The following TLE4 variants were observed in gnomAD, a reference collection of about 807,000 sequenced individuals.
TLE4 encodes the protein TLE family member 4, transcriptional corepressor, also known as transducin-like enhancer protein 4.
TLE4 carries 8 observed loss-of-function variants against 92.8 expected under a neutral mutation model. The ratio of observed to expected loss-of-function variants is 0.09; its 90% confidence interval spans 0.05 to 0.16. TLE4 has a LOEUF of 0.16. Ranked by LOEUF, TLE4 falls within the 10% of genes least tolerant of loss-of-function variation. The pLI is 1.00. For missense variants in TLE4, 675 were observed against 997.6 expected (o/e 0.68, Z 4.36); for synonymous variants, 371 against 374.1 (o/e 0.99, Z 0.10).
intron 8 of TLE4, among the ~76,000 whole-genome samples, chr9:79,697,126 A>C (rs2068472810): frequency 6.6e-6 from 1 of 152,160 alleles, no homozygotes; most frequent in Non-Finnish European, 1.5e-5. Context: ...AGATTTATAG[A>C]ATTTGTATTA....
At chr9:79,662,953 C>G (rs1468641936) in intron 8 of TLE4, among the ~76,000 whole-genome samples, 1 of 152,106 alleles carries the variant, frequency 6.6e-6, no homozygotes, top group African/African-American at 2.4e-5. Flanking sequence ...AGCCTGTGTT[C>G]TCCCCCTCAC....
intron 8 of TLE4, among the ~76,000 whole-genome samples, chr9:79,690,762 T>A (rs914822950): frequency 1.4e-5 from 2 of 147,348 alleles, no homozygotes; most frequent in African/African-American, 5.0e-5. Context: ...ACTATAGGAA[T>A]GTGCCACCAC....
intron 14 of TLE4, among the ~76,000 whole-genome samples, chr9:79,714,404 C>T (rs555816584): frequency 1.3e-5 from 2 of 152,286 alleles, no homozygotes; most frequent in African/African-American, 4.8e-5. Flanking sequence ...CTCCATCCAC[C>T]TACTGTGTAG....
intron 5 of TLE4, among the ~76,000 whole-genome samples, chr9:79,613,049 G>C (rs1199126218): frequency 1.3e-5 from 2 of 152,098 alleles, no homozygotes; most frequent in African/African-American, 4.8e-5. Flanking sequence ...AAATTGCCAG[G>C]AAAACAGGAG....
chr9:79,596,047 C>T (rs564105888), intron 4 of TLE4, among the ~76,000 whole-genome samples: 5 of 152,046 alleles, frequency 3.3e-5, no homozygotes, highest in Admixed American at 1.3e-4. Flanking sequence ...AGGGTTTCAC[C>T]GTGTTAGCCA....
Position 79,576,101 on chromosome 9 carries a change from C to CA in TLE4, c.208-31dup, listed in dbSNP as rs2037669608. ...ACTAGGGAGATTGTTTGATGAAAGT[C>CA]ATGCATTTAATTGCTTTTCCTTCTT... On this transcript the variant is annotated intron_variant, in intron 3 of 19. Transcript: ENST00000376552. 7 of 1,422,412 alleles carry CA rather than the reference C, an allele frequency of 4.9e-6. No homozygotes were observed. In the South Asian group the frequency reaches 1.2e-4, roughly 23 times the overall value. The allele number at this position is 1,422,412 out of a possible 1,614,324, so 88.1% of individuals were successfully genotyped here.
intron 10 of TLE4, 66 bp downstream of exon 10, chr9:79,706,008 A>G: frequency 1.4e-6 from 2 of 1,394,470 alleles, no homozygotes; most frequent in Non-Finnish European, 2.0e-6. Context: ...TTGCCCAAAC[A>G]ATTAGTATCC....
At chr9:79,698,085 T>C (rs557358808) in intron 8 of TLE4, among the ~76,000 whole-genome samples, 14 of 152,324 alleles carry the variant, frequency 9.2e-5, no homozygotes, top group Non-Finnish European at 2.1e-4. Flanking sequence ...TGAATTCTTC[T>C]TTATCCTTAT....
intron 1 of TLE4, chr9:79,573,266 G>A: frequency 9.8e-7 from 1 of 1,021,738 alleles, no homozygotes; most frequent in Non-Finnish European, 1.2e-6. Flanking sequence ...GCGAGCGGGC[G>A]AACGAACGAG....
intron 8 of TLE4, among the ~76,000 whole-genome samples, chr9:79,660,865 C>G (rs1029546823): frequency 6.6e-6 from 1 of 152,180 alleles, no homozygotes; most frequent in African/African-American, 2.4e-5. Context: ...GCTTGTTTTG[C>G]AGCACCCTCC....
intron 8 of TLE4, among the ~76,000 whole-genome samples, chr9:79,657,502 G>A (rs1198942834): frequency 2.0e-5 from 3 of 152,278 alleles, no homozygotes; most frequent in Non-Finnish European, 4.4e-5. Context: ...CTAAAATGGT[G>A]TCAGAGGGGA....
At chr9:79,721,147 T>C (rs1461829618) in intron 16 of TLE4, among the ~76,000 whole-genome samples, 3 of 152,242 alleles carry the variant, frequency 2.0e-5, no homozygotes, top group African/African-American at 7.2e-5. Flanking sequence ...CAGCCTCTTA[T>C]GAGAAGCTGC....
chr9:79,588,799 T>G (rs1014488948), intron 4 of TLE4, among the ~76,000 whole-genome samples: 1 of 152,196 alleles, frequency 6.6e-6, no homozygotes, highest in Non-Finnish European at 1.5e-5. Context: ...TTGGCTGGGT[T>G]TGAAAGGTTC....
intron 14 of TLE4, among the ~76,000 whole-genome samples, chr9:79,718,406 A>G (rs1175355745): frequency 6.6e-6 from 1 of 152,150 alleles, no homozygotes; most frequent in African/African-American, 2.4e-5. Context: ...GACGGTGGTT[A>G]TCTCATTTAA....
intron 4 of TLE4, among the ~76,000 whole-genome samples, chr9:79,592,128 CTTCTTCTTTCTTCT>C (rs1249580007): frequency 3.3e-4 from 48 of 144,760 alleles, no homozygotes; most frequent in African/African-American, 1.1e-3. Context: ...TTTCTTCTTT[CTTCTTCTTTCTTCT>C]TTCTTCTTTC....
chr9:79,703,336 A>G lies in TLE4; in HGVS notation c.610-1447A>G, dbSNP rs141554238. Among the ~76,000 whole-genome samples the G allele has an allele frequency of 1.2e-4, 18 of 152,258 alleles. No individual in the cohort carries two copies. In the East Asian group the frequency reaches 2.9e-3, roughly 24 times the overall value. ...GGACTGTGTTACTCAGGTTTTTGCC[A>G]TTCACCACTCAGCAGCATAGCGCAG... On this transcript the variant is annotated intron_variant, in intron 8 of 19. Coordinates refer to ENST00000376552, the MANE Select transcript of TLE4 (RefSeq NM_007005.6).
intron 5 of TLE4, among the ~76,000 whole-genome samples, chr9:79,617,195 C>T (rs577859873): frequency 1.3e-5 from 2 of 152,216 alleles, no homozygotes; most frequent in East Asian, 3.9e-4. Context: ...GCTCCAGTAG[C>T]TGCTTCCAAC....
intron 5 of TLE4, among the ~76,000 whole-genome samples, chr9:79,622,336 G>A (rs2051230249): frequency 6.6e-6 from 1 of 152,006 alleles, no homozygotes. Context: ...TCCCCTACCT[G>A]CTCTCCCTCT....
intron 8 of TLE4, among the ~76,000 whole-genome samples, chr9:79,695,925 G>A (rs1402780155): frequency 6.6e-6 from 1 of 152,190 alleles, no homozygotes; most frequent in African/African-American, 2.4e-5. Flanking sequence ...GATTGGAGAA[G>A]GTGGGCAGGA....
Sources: allele counts gnomAD v4.1 joint callset (sites outside exome capture counted in the v4.1 genomes callset), GRCh38; gene constraint gnomAD v4.1.1; transcripts MANE v1.5; gene names NCBI Gene and HGNC (gene_info 2026-07-23, HGNC 2026-07-21).